RPRD1B: variants seen among roughly 807,000 people sequenced by gnomAD.
RPRD1B encodes the protein regulation of nuclear pre-mRNA domain containing 1B, also known as regulation of nuclear pre-mRNA domain-containing protein 1B.
A neutral mutation model predicts 41.5 loss-of-function variants in RPRD1B; 11 were observed. The ratio of observed to expected loss-of-function variants is 0.27; its 90% confidence interval spans 0.17 to 0.44. RPRD1B has a LOEUF of 0.44. Ranked by LOEUF, RPRD1B falls within the 20% of genes least tolerant of loss-of-function variation. The pLI is 1.00. For synonymous variants in RPRD1B, 158 were observed against 155.6 expected (o/e 1.02, Z -0.12); for missense variants, 248 against 389.9 (o/e 0.64, Z 3.06).
intron 5 of RPRD1B, 94 bp downstream of exon 5, chr20:38,059,614 C>T (rs2074277152): frequency 8.2e-7 from 1 of 1,220,740 alleles, no homozygotes; most frequent in Admixed American, 2.4e-5. Context: ...CAGGTATAGA[C>T]TACTTTCCAT....
At chr20:38,049,853 C>G in intron 3 of RPRD1B, 1 of 471,036 alleles carries the variant, frequency 2.1e-6, no homozygotes, top group South Asian at 1.5e-5. Context: ...CTGAACTAGC[C>G]TGTTTTTCCA....
chr20:38,089,716 A>G lies in RPRD1B; in HGVS notation c.832-10A>G. On this transcript the variant is annotated splice_polypyrimidine_tract_variant and intron_variant, in intron 6 of 6. Transcript: ENST00000373433. ...GACTTAACGGTATTGTCTTCTCTTT[A>G]TCTCCTTAGGAATACAAACAGAAGC... 2 of 1,610,324 alleles carry G rather than the reference A, an allele frequency of 1.2e-6. No homozygotes were observed. Among genetic ancestry groups the G allele is most frequent in the Non-Finnish European group, 1.7e-6 (2 of 1,176,874 alleles).
At chr20:38,034,127 G>C (rs1488227361) in intron 1 of RPRD1B, 29 bp downstream of exon 1, 8 of 1,601,424 alleles carry the variant, frequency 5.0e-6, no homozygotes, top group Non-Finnish European at 6.0e-6. Context: ...CCCCCTGGAC[G>C]GTCCCCGGAT....
At chr20:38,044,436 T>A (rs2074100802) in intron 2 of RPRD1B, among the ~76,000 whole-genome samples, 1 of 147,760 alleles carries the variant, frequency 6.8e-6, no homozygotes, top group Non-Finnish European at 1.5e-5. Context: ...TGCAGTGGCT[T>A]GGTCTTGGCT....
chr20:38,083,249 G>T (rs1028165559), intron 6 of RPRD1B, among the ~76,000 whole-genome samples: 7 of 151,618 alleles, frequency 4.6e-5, no homozygotes. Flanking sequence ...TTAGTATTTT[G>T]GTTTTACTGG....
At chr20:38,085,639 A>T (rs2074554248) in intron 6 of RPRD1B, 1 of 152,262 alleles carries the variant, frequency 6.6e-6, no homozygotes, top group Non-Finnish European at 1.5e-5. Flanking sequence ...GTGTGAGAAG[A>T]CAGGCTGGTA....
intron 1 of RPRD1B, among the ~76,000 whole-genome samples, chr20:38,034,407 C>T (rs1402453781): frequency 6.6e-6 from 1 of 152,218 alleles, no homozygotes; most frequent in Non-Finnish European, 1.5e-5. Flanking sequence ...CACTGCCGTA[C>T]TGGCCCTAGC....
chr20:38,035,768 G>A (rs1390955180), intron 1 of RPRD1B, among the ~76,000 whole-genome samples: 2 of 142,350 alleles, frequency 1.4e-5, no homozygotes, highest in Non-Finnish European at 3.1e-5. Context: ...CATTTTTTTT[G>A]TTTTTTTTTT....
At chr20:38,088,974 G>C (rs1293385486) in intron 6 of RPRD1B, among the ~76,000 whole-genome samples, 6 of 152,178 alleles carry the variant, frequency 3.9e-5, no homozygotes, top group Non-Finnish European at 8.8e-5. Context: ...CTGAAAAAAT[G>C]GTCCACACAG....
chr20:38,036,770 G>A (rs781413760), intron 1 of RPRD1B, among the ~76,000 whole-genome samples: 9 of 152,180 alleles, frequency 5.9e-5, no homozygotes, highest in Admixed American at 2.0e-4. Flanking sequence ...ACAGGTAGCC[G>A]CTTGGTATAT....
At chr20:38,086,185 A>G (rs192572253) in intron 6 of RPRD1B, among the ~76,000 whole-genome samples, 1 of 152,290 alleles carries the variant, frequency 6.6e-6, no homozygotes, top group African/African-American at 2.4e-5. Flanking sequence ...GAAAGCCTGA[A>G]TCTGTTTTTA....
At chr20:38,042,582 G>C (rs1318947556) in intron 2 of RPRD1B, among the ~76,000 whole-genome samples, 1 of 132,824 alleles carries the variant, frequency 7.5e-6, no homozygotes, top group Admixed American at 7.0e-5. Flanking sequence ...CTTTCTGTTT[G>C]CATTCTGGTT....
At chr20:38,036,878 G>C (rs1182498361) in intron 1 of RPRD1B, among the ~76,000 whole-genome samples, 1 of 152,170 alleles carries the variant, frequency 6.6e-6, no homozygotes, top group Non-Finnish European at 1.5e-5. Flanking sequence ...CTGCAATTCA[G>C]GTGTTCCAAT....
intron 6 of RPRD1B, among the ~76,000 whole-genome samples, chr20:38,072,252 C>T (rs2074420138): frequency 6.6e-6 from 1 of 152,158 alleles, no homozygotes; most frequent in Non-Finnish European, 1.5e-5. Context: ...CCATTTGTCC[C>T]AGCACCATTT....
At chr20:38,038,307 A>ATTTT (rs557260550) in intron 1 of RPRD1B, among the ~76,000 whole-genome samples, 1 of 134,900 alleles carries the variant, frequency 7.4e-6, no homozygotes, top group African/African-American at 2.9e-5. Context: ...CTGTAGCTAC[A>ATTTT]TTTTTTTTTT....
intron 1 of RPRD1B, among the ~76,000 whole-genome samples, chr20:38,036,160 G>A (rs192520186): frequency 6.6e-6 from 1 of 152,230 alleles, no homozygotes; most frequent in African/African-American, 2.4e-5. Context: ...TGTGTATGAA[G>A]CTCCGTTATC....
intron 2 of RPRD1B, among the ~76,000 whole-genome samples, chr20:38,041,283 C>CA (rs1410942103): frequency 6.6e-6 from 1 of 152,068 alleles, no homozygotes; most frequent in African/African-American, 2.4e-5. Flanking sequence ...AATATATAAA[C>CA]AGATATTTGC....
chr20:38,044,328 C>A (rs2122699840), intron 2 of RPRD1B, among the ~76,000 whole-genome samples: 1 of 151,810 alleles, frequency 6.6e-6, no homozygotes, highest in South Asian at 2.1e-4. Context: ...CATGTAGACA[C>A]CCTCTGCCAA....
chr20:38,066,686 C>G (rs941605451), intron 6 of RPRD1B, among the ~76,000 whole-genome samples: 3 of 151,910 alleles, frequency 2.0e-5, no homozygotes, highest in African/African-American at 7.3e-5. Flanking sequence ...GACGCAGTCT[C>G]GCTCCGTCGC....
Sources: gnomAD v4.1 joint callset for allele counts (sites outside exome capture counted in the v4.1 genomes callset) on GRCh38, gnomAD v4.1.1 for gene constraint, MANE v1.5 for transcripts, NCBI Gene and HGNC (gene_info 2026-07-23, HGNC 2026-07-21) for gene names.